The following PDE11A variants were observed in gnomAD, a reference collection of about 807,000 sequenced individuals.
PDE11A encodes the protein phosphodiesterase 11A, also known as dual 3',5'-cyclic-AMP and -GMP phosphodiesterase 11A.
Under a neutral mutation model 100.5 loss-of-function variants are expected in PDE11A, and 100 were observed. That is an observed-to-expected ratio of 1.00 (90% CI 0.85 to 1.18). PDE11A has a LOEUF of 1.18. Ranked by LOEUF, PDE11A falls within the 50% of genes most tolerant of loss-of-function variation. PDE11A has a pLI of 0.00. For synonymous variants in PDE11A, 381 were observed against 420.8 expected (o/e 0.91, Z 1.16); for missense variants, 1,141 against 1,152.6 (o/e 0.99, Z 0.15).
At chr2:177,996,412 G>A (rs1004690543) in intron 2 of PDE11A, among the ~76,000 whole-genome samples, 1 of 150,310 alleles carries the variant, frequency 6.7e-6, no homozygotes, top group Non-Finnish European at 1.5e-5. Flanking sequence ...ACCCATTCCT[G>A]GAATTTAAAA....
intron 9 of PDE11A, among the ~76,000 whole-genome samples, chr2:177,780,978 T>C (rs1007044939): frequency 1.3e-5 from 2 of 152,264 alleles, no homozygotes; most frequent in African/African-American, 4.8e-5. Context: ...TTCCTTTGCA[T>C]TTACAACTTG....
chr2:178,052,506 C>G (rs1412607394), intron 1 of PDE11A, among the ~76,000 whole-genome samples: 1 of 152,018 alleles, frequency 6.6e-6, no homozygotes, highest in Non-Finnish European at 1.5e-5. Context: ...CAAGAAATAA[C>G]TAAGATCAGA....
chr2:177,785,672 C>A (rs538127353), intron 9 of PDE11A, among the ~76,000 whole-genome samples: 10 of 152,340 alleles, frequency 6.6e-5, no homozygotes, highest in African/African-American at 2.4e-4. Context: ...AAAATCGGGT[C>A]ACTCCCACCC....
chr2:178,070,208 G>T (rs2087107887), intron 1 of PDE11A, among the ~76,000 whole-genome samples: 1 of 152,096 alleles, frequency 6.6e-6, no homozygotes, highest in African/African-American at 2.4e-5. Context: ...TTCCAAGAAA[G>T]ATACAATGAA....
rs1023076181 is a variant in PDE11A at position 177,947,328 on chromosome 2, G to A, written c.1072-42141C>T. 3.8e-4 allele frequency among the ~76,000 whole-genome samples: 57 copies of A among 149,356 alleles called. No homozygotes were observed. In the South Asian group the frequency reaches 4.4e-3, roughly 12 times the overall value. The stretch of plus-strand genomic sequence containing the variant: ...TGGCGGCTTTGTGGAATAGAAAGGC[G>A]GGAAAGGTGGGCAAAAGATTGAGAA... On this transcript the variant is annotated intron_variant, in intron 2 of 19. Transcript: ENST00000286063.
intron 2 of PDE11A, among the ~76,000 whole-genome samples, chr2:177,944,519 C>G (rs2085380706): frequency 6.6e-6 from 1 of 152,192 alleles, no homozygotes; most frequent in Non-Finnish European, 1.5e-5. Context: ...GCTTAAAAAG[C>G]TGATGGAAAT....
chr2:178,105,899 T>A (rs1220985662), intron 1 of PDE11A: 1 of 284,652 alleles, frequency 3.5e-6, no homozygotes, highest in East Asian at 6.2e-5. Flanking sequence ...AGGAATATGC[T>A]GTCTGGGTTC....
At chr2:177,727,601 G>T in intron 12 of PDE11A, 57 bp downstream of exon 12, 1 of 987,326 alleles carries the variant, frequency 1.0e-6, no homozygotes, top group South Asian at 1.3e-5. Context: ...TAAAGGAGAA[G>T]GCCTGCCAGT....
intron 19 of PDE11A, among the ~76,000 whole-genome samples, chr2:177,631,535 A>ATATATATATACATG (rs2079934324): frequency 6.3e-5 from 2 of 31,904 alleles, no homozygotes; most frequent in Non-Finnish European, 1.1e-4. Context: ...ATATATATAT[A>ATATATATATACATG]TATATATATA....
intron 2 of PDE11A, among the ~76,000 whole-genome samples, chr2:177,977,471 C>T (rs2085824267): frequency 8.6e-6 from 1 of 115,982 alleles, no homozygotes; most frequent in African/African-American, 3.4e-5. Flanking sequence ...ATTCCATGCT[C>T]ATGGGTAGGA....
intron 2 of PDE11A, among the ~76,000 whole-genome samples, chr2:177,971,606 C>T (rs2573085): frequency 0.5 from 75,974 of 152,016 alleles, 21,915 homozygotes; most frequent in African/African-American, 0.8. Flanking sequence ...TAGGGACATC[C>T]TTTATTGACT....
intron 9 of PDE11A, among the ~76,000 whole-genome samples, chr2:177,782,168 C>A (rs960701756): frequency 6.6e-6 from 1 of 152,040 alleles, no homozygotes; most frequent in African/African-American, 2.4e-5. Flanking sequence ...TGTGCCCTTG[C>A]CAGAGGATAA....
At chr2:177,656,977 C>G (rs2080397667) in intron 19 of PDE11A, among the ~76,000 whole-genome samples, 1 of 152,116 alleles carries the variant, frequency 6.6e-6, no homozygotes, top group Admixed American at 6.5e-5. Flanking sequence ...TTTCCGAATG[C>G]TATACCGAGG....
intron 1 of PDE11A, among the ~76,000 whole-genome samples, chr2:178,056,170 G>A (rs945683529): frequency 2.0e-5 from 3 of 152,146 alleles, no homozygotes; most frequent in South Asian, 2.1e-4. Flanking sequence ...TTAACATATT[G>A]AGGGAGAAGA....
chr2:177,742,263 A>G (rs1049108947), intron 10 of PDE11A, among the ~76,000 whole-genome samples: 4 of 151,890 alleles, frequency 2.6e-5, no homozygotes, highest in African/African-American at 9.7e-5. Flanking sequence ...TCCTGTTTAG[A>G]AAAGGTCCAG....
At chr2:178,038,236 A>AC (rs1285947152) in intron 1 of PDE11A, among the ~76,000 whole-genome samples, 2 of 151,910 alleles carry the variant, frequency 1.3e-5, no homozygotes, top group Non-Finnish European at 2.9e-5. Flanking sequence ...TATAACTATC[A>AC]CCCCCACCAA....
chr2:178,075,551 CAAAAAAAAAA>C (rs397756518), upstream of PDE11A, among the ~76,000 whole-genome samples: 3 of 47,854 alleles, frequency 6.3e-5, no homozygotes, highest in South Asian at 2.4e-3. Flanking sequence ...GACTCTGTCT[CAAAAAAAAAA>C]AAAAAAAAAA....
Position 178,029,800 on chromosome 2 carries a change from G to C in PDE11A, c.913-15340C>G, listed in dbSNP as rs1030331159. ...GCCATTGTGATGATATTAGGAAGTG[G>C]GACCTTTAAGAAGTGTTTAGGTCAT... On this transcript the variant is annotated intron_variant, in intron 1 of 19. Coordinates refer to ENST00000286063, the MANE Select transcript of PDE11A (RefSeq NM_016953.4). Among the ~76,000 whole-genome samples, 255 of 152,130 alleles carry C rather than the reference G, an allele frequency of 1.7e-3. 3 individuals are homozygous for C. Among genetic ancestry groups the C allele is most frequent in the Non-Finnish European group, 1.3e-3 (89 of 68,022 alleles).
chr2:177,709,115 G>A (rs1276187438), intron 13 of PDE11A, among the ~76,000 whole-genome samples: 8 of 152,176 alleles, frequency 5.3e-5, no homozygotes, highest in African/African-American at 1.2e-4. Context: ...GGTGAGCTGC[G>A]GCGAGTGGGC....
Sources: gnomAD v4.1 joint callset for allele counts (sites outside exome capture counted in the v4.1 genomes callset) on GRCh38, gnomAD v4.1.1 for gene constraint, MANE v1.5 for transcripts, NCBI Gene and HGNC (gene_info 2026-07-23, HGNC 2026-07-21) for gene names.